Variants in HTR4 observed in about 807,000 individuals in gnomAD.
HTR4 encodes the protein 5-hydroxytryptamine receptor 4.
A neutral mutation model predicts 36.8 loss-of-function variants in HTR4; 16 were observed. The ratio of observed to expected loss-of-function variants is 0.43; its 90% CI spans 0.29 to 0.66. The LOEUF (loss-of-function observed/expected upper bound fraction) is 0.66. Ranked by LOEUF, HTR4 falls within the 30% of genes least tolerant of loss-of-function variation. The pLI is 0.13. For synonymous variants in HTR4, 189 were observed against 185.1 expected (o/e 1.02, Z -0.17); for missense variants, 438 against 490.9 (o/e 0.89, Z 1.02).
intron 1 of HTR4, among the ~76,000 whole-genome samples, chr5:148,647,627 T>C (rs1475796687): frequency 2.0e-5 from 3 of 152,142 alleles, no homozygotes; most frequent in Non-Finnish European, 4.4e-5. Context: ...GACTGGCAGA[T>C]CACCTGAGCT....
rs572515245 is a variant in HTR4 at position 148,599,609 on chromosome 5, G to C, written c.26+37380C>G. 3.9e-5 allele frequency among the ~76,000 whole-genome samples: 6 copies of C among 151,936 alleles called. No homozygotes were observed. The South Asian group carries it at 1.0e-3, about 26-fold the overall frequency. On this transcript the variant is annotated intron_variant, in intron 2 of 6. Transcript: ENST00000377888. ...AAAACAGAATTTGTCATCATATCTAGTACTGGTAAATTTTAAGAGTTCTCT... is the reference window on the plus strand; with the variant it reads ...AAAACAGAATTTGTCATCATATCTACTACTGGTAAATTTTAAGAGTTCTCT...
rs1275156689 is a variant in HTR4, at chr5:148,637,022, A to G, written c.-8T>C. Reference sequence around the variant, plus strand: ...AGCATCAAGTTTGTCCATTACAGGAAATAAGCATGAGTGAGTTGGATTTCA... The same window carrying G: ...AGCATCAAGTTTGTCCATTACAGGAGATAAGCATGAGTGAGTTGGATTTCA... On this transcript the variant is annotated 5_prime_UTR_variant, in exon 2 of 7. Coordinates refer to ENST00000377888, the MANE Select transcript of HTR4 (RefSeq NM_000870.7). 1 of 1,610,790 alleles carries G rather than the reference A, an allele frequency of 6.2e-7. No homozygotes were observed. The highest frequency in any genetic ancestry group is 8.5e-7 in the Non-Finnish European group (1 of 1,177,442).
intron 5 of HTR4, 24 bp downstream of exon 5, chr5:148,523,169 A>G (rs1758104548): frequency 1.2e-6 from 2 of 1,600,976 alleles, no homozygotes; most frequent in Admixed American, 1.7e-5. Context: ...ACAGTAAACC[A>G]GTGAGGTCTG....
chr5:148,580,380 C>T (rs577417519), intron 2 of HTR4, among the ~76,000 whole-genome samples: 57 of 152,058 alleles, frequency 3.7e-4, no homozygotes, highest in South Asian at 1.7e-3. Context: ...ATAAATGTAT[C>T]CATCATGCCA....
intron 2 of HTR4, among the ~76,000 whole-genome samples, chr5:148,580,510 A>G (rs1761090009): frequency 6.6e-6 from 1 of 152,064 alleles, no homozygotes; most frequent in African/African-American, 2.4e-5. Flanking sequence ...CTCATCTTGT[A>G]TAACTAACAT....
At chr5:148,474,360 C>T (rs1351179473), downstream of HTR4, among the ~76,000 whole-genome samples, 1 of 151,996 alleles carries the variant, frequency 6.6e-6, no homozygotes, top group Non-Finnish European at 1.5e-5. Flanking sequence ...TTTATCCTGG[C>T]CAAGAATTTC....
In HTR4 at chr5:148,553,117, T is replaced by C. The variant is rs553211497; in HGVS notation, c.27-2855A>G. 1.0e-3 allele frequency among the ~76,000 whole-genome samples: 152 copies of C among 152,298 alleles called. 4 individuals carry two copies. The Middle Eastern group carries it at 0.037, about 37-fold the overall frequency. The stretch of plus-strand genomic sequence containing the variant: ...CTGTGTTAGGCATTGTTGTATGTCC[T>C]AGGGAAACAGCAATAAGCAAAACAG... On this transcript the variant is annotated intron_variant, in intron 2 of 6. Coordinates refer to ENST00000377888, the MANE Select transcript of HTR4 (RefSeq NM_000870.7).
chr5:148,464,231 T>A (rs1399875143), intron 5 of HTR4, among the ~76,000 whole-genome samples: 2 of 151,968 alleles, frequency 1.3e-5, no homozygotes, highest in Non-Finnish European at 2.9e-5. Flanking sequence ...ATGAAAGAAA[T>A]AATTGATGAG....
chr5:148,477,000 C>T (rs1304264942), downstream of HTR4, among the ~76,000 whole-genome samples: 2 of 152,132 alleles, frequency 1.3e-5, no homozygotes, highest in East Asian at 1.9e-4. Flanking sequence ...AAGAGTTGAG[C>T]ATATTCTGGA....
chr5:148,507,558 C>T (rs1757285160), intron 6 of HTR4, among the ~76,000 whole-genome samples: 1 of 145,268 alleles, frequency 6.9e-6, no homozygotes, highest in Admixed American at 6.8e-5. Context: ...TAATTGTACT[C>T]ATACCATATA....
At chr5:148,610,528 C>T (rs1752379674) in intron 2 of HTR4, among the ~76,000 whole-genome samples, 1 of 152,046 alleles carries the variant, frequency 6.6e-6, no homozygotes, top group Non-Finnish European at 1.5e-5. Context: ...CCCATCTGTA[C>T]ATCACCATCA....
intron 4 of HTR4, among the ~76,000 whole-genome samples, chr5:148,527,043 C>T (rs1175205853): frequency 1.3e-5 from 2 of 152,130 alleles, no homozygotes; most frequent in African/African-American, 4.8e-5. Context: ...ATGCTCTCAA[C>T]ACAAAGAAAT....
At position 148,482,896 on chromosome 5, in the gene HTR4, A is replaced by G; in HGVS notation, c.*307T>C. On this transcript the variant is annotated 3_prime_UTR_variant, in exon 7 of 7. Transcript: ENST00000377888. ...CGTGCTTAGAACGTGAGTGAGACAG[A>G]TCAGACACAGTGAGTGACGGGAACA... The G allele has an allele frequency of 1.6e-6, 2 of 1,277,612 alleles. No individual in the cohort carries two copies. Among genetic ancestry groups the G allele is most frequent in the Non-Finnish European group, 2.0e-6 (2 of 1,000,918 alleles). 79.1% of individuals were successfully genotyped at this position (1,277,612 alleles called of 1,614,324 possible).
rs368319763 is a variant in HTR4, at chr5:148,637,000, A to C, written c.15T>G (p.Asp5Glu). The part of the protein sequence containing the change: MDKL[D>E]ANVSSEEGFG... ...GAAAGGTAACATACCTCACATTAGCATCAAGTTTGTCCATTACAGGAAATA... is the reference window on the plus strand; with the variant it reads ...GAAAGGTAACATACCTCACATTAGCCTCAAGTTTGTCCATTACAGGAAATA... Residue 5 changes from aspartate to glutamate, a missense_variant, in exon 2 of 7, where the codon GAT becomes GAG. Coordinates refer to ENST00000377888, the MANE Select transcript of HTR4 (RefSeq NM_000870.7). 2 of 1,604,222 alleles carry C rather than the reference A, an allele frequency of 1.2e-6. No individual in the cohort carries two copies. The highest frequency in any genetic ancestry group is 2.7e-5 in the African/African-American group (2 of 74,758).
intron 6 of HTR4, among the ~76,000 whole-genome samples, chr5:148,500,556 G>A (rs1020488537): frequency 8.6e-5 from 13 of 151,824 alleles, no homozygotes; most frequent in African/African-American, 3.1e-4. Flanking sequence ...TAAGTCAAAA[G>A]TTAACCAAAG....
At chr5:148,610,745 T>A (rs1479547880) in intron 2 of HTR4, among the ~76,000 whole-genome samples, 1 of 148,922 alleles carries the variant, frequency 6.7e-6, no homozygotes, top group African/African-American at 2.5e-5. Flanking sequence ...CGGGAGGACA[T>A]TCAAACCAAA....
At chr5:148,471,002 T>G (rs542610216) in intron 5 of HTR4, among the ~76,000 whole-genome samples, 8 of 152,312 alleles carry the variant, frequency 5.3e-5, no homozygotes, top group African/African-American at 1.9e-4. Context: ...CTAAAAGTAA[T>G]TTCTATTTTA....
rs1365566066 is a variant in HTR4, at chr5:148,481,804, G to A, written c.*1399C>T. The A allele has an allele frequency of 3.0e-6, 4 of 1,352,288 alleles. No homozygotes were observed. Among genetic ancestry groups the A allele is most frequent in the East Asian group, 2.7e-5 (1 of 36,812 alleles). The allele number at this position is 1,352,288 out of a possible 1,614,324, so 83.8% of individuals were successfully genotyped here. ...CCGGGACTTCTGCTATGGGGCATTCGCAAGAGCCACTGACTCAGCTTTGAA... is the reference window on the plus strand; with the variant it reads ...CCGGGACTTCTGCTATGGGGCATTCACAAGAGCCACTGACTCAGCTTTGAA... On this transcript the variant is annotated 3_prime_UTR_variant, in exon 7 of 7. Coordinates refer to ENST00000377888, the MANE Select transcript of HTR4 (RefSeq NM_000870.7).
At chr5:148,483,330 G>A (rs1755982930) in intron 6 of HTR4, 37 bp from the exon 7 acceptor site, 1 of 1,573,840 alleles carries the variant, frequency 6.4e-7, no homozygotes, top group Non-Finnish European at 8.7e-7. Flanking sequence ...CTCAGAATTG[G>A]AAAGGATGTT....
Sources: allele counts gnomAD v4.1 joint callset (sites outside exome capture counted in the v4.1 genomes callset), GRCh38; gene constraint gnomAD v4.1.1; transcripts MANE v1.5; gene names NCBI Gene and HGNC (gene_info 2026-07-23, HGNC 2026-07-21).